Variants in NRXN3 observed in about 807,000 individuals in gnomAD.
The protein encoded by NRXN3 is neurexin 3.
In NRXN3, 32 loss-of-function variants were observed where a neutral mutation model predicts 137.6. The ratio of observed to expected loss-of-function variants is 0.23; its 90% CI spans 0.18 to 0.31. NRXN3 has a LOEUF of 0.31. NRXN3 is among the 10% of genes least tolerant of loss of function. The pLI, the probability that NRXN3 is intolerant of heterozygous loss-of-function variation, is 1.00. For missense variants in NRXN3, 1,574 were observed against 2,062.5 expected, an observed-to-expected ratio of 0.76 and a Z score of 4.59; for synonymous variants, 798 against 784.5, an observed-to-expected ratio of 1.02 and a Z score of -0.29.
At chr14:78,376,175 T>C (rs1386827604) in intron 4 of NRXN3, among the ~76,000 whole-genome samples, 2 of 152,140 alleles carry the variant, frequency 1.3e-5, no homozygotes, top group African/African-American at 4.8e-5. Context: ...GAGGCATCAT[T>C]GAAAGTTGCA....
At chr14:78,305,628 G>A (rs186656681) in intron 4 of NRXN3, among the ~76,000 whole-genome samples, 2 of 152,292 alleles carry the variant, frequency 1.3e-5, no homozygotes, top group Admixed American at 6.5e-5. Context: ...GCTAGGACTT[G>A]AGAGCCTTGA....
At position 78,645,103 on chromosome 14, in the gene NRXN3, C is replaced by G. The variant is rs1418061265; in HGVS notation, c.758-17C>G. Reference sequence around the variant, plus strand: ...CCAGACAAGTGCTGATTGCTTTCCTCTTTTCTTTTCCTATAGCTCGAGAGG... The same window carrying G: ...CCAGACAAGTGCTGATTGCTTTCCTGTTTTCTTTTCCTATAGCTCGAGAGG... On this transcript the variant is annotated splice_polypyrimidine_tract_variant and intron_variant, in intron 4 of 20. Coordinates refer to ENST00000335750, the MANE Select transcript of NRXN3 (RefSeq NM_001330195.2). 1 of 1,526,796 alleles carries G rather than the reference C, an allele frequency of 6.5e-7. No homozygotes were observed. The highest frequency in any genetic ancestry group is 8.8e-7 in the Non-Finnish European group (1 of 1,140,898). The allele number at this position is 1,526,796 out of a possible 1,614,324, so 94.6% of individuals were successfully genotyped here. A position where few individuals can be genotyped will look rare whatever the true frequency, so the allele number is the denominator to read the frequency against.
chr14:78,743,894 C>A (rs939747605), intron 8 of NRXN3, among the ~76,000 whole-genome samples: 1 of 152,130 alleles, frequency 6.6e-6, no homozygotes, highest in Admixed American at 6.5e-5. Flanking sequence ...GTGAAGAGAA[C>A]TTTACTGAAT....
intron 15 of NRXN3, among the ~76,000 whole-genome samples, chr14:79,316,936 A>G (rs894162171): frequency 6.6e-6 from 1 of 152,162 alleles, no homozygotes; most frequent in South Asian, 2.1e-4. Context: ...GTCTGAAATA[A>G]AAGTGTTGGT....
intron 10 of NRXN3, 52 bp downstream of exon 10, chr14:78,810,396 T>A: frequency 2.3e-5 from 18 of 772,760 alleles, no homozygotes; most frequent in Non-Finnish European, 3.3e-5. Context: ...AAAACAAAAC[T>A]GACTTTATTT....
intron 19 of NRXN3, among the ~76,000 whole-genome samples, chr14:79,788,726 G>A (rs2099136674): frequency 6.6e-6 from 1 of 152,160 alleles, no homozygotes; most frequent in African/African-American, 2.4e-5. Context: ...TCAAGTAGAA[G>A]GGAAAATAGT....
At chr14:78,568,254 TG>T (rs1424177504) in intron 4 of NRXN3, among the ~76,000 whole-genome samples, 1 of 152,170 alleles carries the variant, frequency 6.6e-6, no homozygotes, top group Non-Finnish European at 1.5e-5. Flanking sequence ...ATGAGTGCTT[TG>T]GGATTAGTGC....
intron 4 of NRXN3, among the ~76,000 whole-genome samples, chr14:78,457,743 A>G (rs8014780): frequency 0.091 from 13,898 of 152,262 alleles, 799 homozygotes; most frequent in Admixed American, 0.15. Flanking sequence ...ATATATCTGT[A>G]TATGTGCATA....
intron 16 of NRXN3, among the ~76,000 whole-genome samples, chr14:79,488,939 C>T (rs1039321162): frequency 6.6e-6 from 1 of 151,992 alleles, no homozygotes; most frequent in Non-Finnish European, 1.5e-5. Flanking sequence ...CTTTTTTCCT[C>T]CTAGAGCACC....
intron 16 of NRXN3, among the ~76,000 whole-genome samples, chr14:79,616,670 T>C (rs1213383976): frequency 1.3e-5 from 2 of 151,950 alleles, no homozygotes; most frequent in African/African-American, 4.8e-5. Flanking sequence ...AATAAAAGTT[T>C]AAAAAAATAG....
chr14:78,548,985 C>G (rs1350886951), intron 4 of NRXN3, among the ~76,000 whole-genome samples: 1 of 152,220 alleles, frequency 6.6e-6, no homozygotes, highest in Non-Finnish European at 1.5e-5. Context: ...CCAACGAAAT[C>G]AGAAGAGGAG....
chr14:78,700,018 A>G (rs2098264290), intron 6 of NRXN3, among the ~76,000 whole-genome samples: 1 of 152,214 alleles, frequency 6.6e-6, no homozygotes, highest in African/African-American at 2.4e-5. Flanking sequence ...GTTTCAATCA[A>G]GTTTATGGTC....
chr14:78,424,951 G>A (rs2093603702), intron 4 of NRXN3, among the ~76,000 whole-genome samples: 1 of 152,200 alleles, frequency 6.6e-6, no homozygotes, highest in African/African-American at 2.4e-5. Context: ...CTGGACTCCT[G>A]TTGTGGACAT....
Position 78,513,159 on chromosome 14 carries a change from T to C in NRXN3, c.758-131961T>C, listed in dbSNP as rs564941630. On this transcript the variant is annotated intron_variant, in intron 4 of 20. Coordinates refer to ENST00000335750, the MANE Select transcript of NRXN3 (RefSeq NM_001330195.2). Reference sequence around the variant, plus strand: ...AGCACCCTGCTTTGCAGTCAGACTTTCCAGCTTCCAATTCTACCTCTGCCA... The same window carrying C: ...AGCACCCTGCTTTGCAGTCAGACTTCCCAGCTTCCAATTCTACCTCTGCCA... 1.6e-4 allele frequency among the ~76,000 whole-genome samples: 24 copies of C among 152,344 alleles called. 1 individual carries two copies. In the South Asian group the frequency reaches 4.8e-3, roughly 30 times the overall value.
intron 16 of NRXN3, among the ~76,000 whole-genome samples, chr14:79,580,435 GT>G (rs60451542): frequency 0.14 from 19,478 of 138,430 alleles, 1,974 homozygotes; most frequent in African/African-American, 0.3. Context: ...AAAAGATTAT[GT>G]TTTTTTTTTT....
intron 20 of NRXN3, among the ~76,000 whole-genome samples, chr14:79,807,950 A>C (rs2099214996): frequency 6.6e-6 from 1 of 152,140 alleles, no homozygotes; most frequent in Non-Finnish European, 1.5e-5. Context: ...TGCCCAGAGG[A>C]CCTGATTTCC....
chr14:79,307,127 A>C (rs2086221144), intron 15 of NRXN3, among the ~76,000 whole-genome samples: 1 of 152,126 alleles, frequency 6.6e-6, no homozygotes, highest in Non-Finnish European at 1.5e-5. Flanking sequence ...GCAATGCACC[A>C]AAGCCTAAGA....
intron 10 of NRXN3, among the ~76,000 whole-genome samples, chr14:78,944,177 C>A (rs1320160630): frequency 2.0e-5 from 3 of 151,996 alleles, no homozygotes; most frequent in African/African-American, 7.3e-5. Context: ...GTATGCAGAC[C>A]AAAATTATCT....
intron 19 of NRXN3, among the ~76,000 whole-genome samples, chr14:79,791,505 GTAATTATAATTAATTATATATTATAA>G (rs1568265730): frequency 1.4e-5 from 2 of 144,824 alleles, no homozygotes; most frequent in South Asian, 2.1e-4. Context: ...ATTATATATT[GTAATTATAATTAATTATATATTATAA>G]TAATTATAAT....
Sources: gnomAD v4.1 joint callset for allele counts (sites outside exome capture counted in the v4.1 genomes callset) on GRCh38, gnomAD v4.1.1 for gene constraint, MANE v1.5 for transcripts, NCBI Gene and HGNC (gene_info 2026-07-23, HGNC 2026-07-21) for gene names.